The following ARHGEF6 variants were observed in gnomAD, a reference collection of about 807,000 sequenced individuals.
ARHGEF6 encodes rho guanine nucleotide exchange factor 6.
ARHGEF6 carries 9 observed loss-of-function variants against 70.3 expected under a neutral mutation model. The ratio of observed to expected loss-of-function variants is 0.13; its 90% CI spans 0.08 to 0.22. The LOEUF (loss-of-function observed/expected upper bound fraction) is 0.22. ARHGEF6 is among the 10% of genes least tolerant of loss of function. The pLI is 1.00. For missense variants in ARHGEF6, 470 were observed against 563.0 expected (o/e 0.83, Z 1.67); for synonymous variants, 201 against 207.8 (o/e 0.97, Z 0.28).
At chrX:136,775,615 C>T (rs1311103587) in intron 2 of ARHGEF6, among the ~76,000 whole-genome samples, 3 of 111,560 alleles carry the variant, frequency 2.7e-5, no homozygotes, top group Middle Eastern at 4.2e-3. Context: ...AAGATGAAAA[C>T]ATTCTTCCTG....
intron 21 of ARHGEF6, among the ~76,000 whole-genome samples, chrX:136,668,533 C>CTTCTTCTTA (rs61661248): frequency 2.0e-3 from 193 of 98,456 alleles, no homozygotes; most frequent in African/African-American, 6.5e-3. Flanking sequence ...TCTTCTTCTT[C>CTTCTTCTTA]TTATTATTAT....
intron 2 of ARHGEF6, among the ~76,000 whole-genome samples, chrX:136,769,074 A>C (rs1200615866): frequency 1.8e-5 from 2 of 111,523 alleles, no homozygotes; most frequent in Non-Finnish European, 3.8e-5. Context: ...TGAATCTCAT[A>C]TACATTCAGT....
chrX:136,762,735 G>T (rs903662695), intron 2 of ARHGEF6, among the ~76,000 whole-genome samples: 5 of 111,288 alleles, frequency 4.5e-5, no homozygotes, highest in Non-Finnish European at 9.5e-5. Flanking sequence ...CAAGTGATCC[G>T]CCTGCCTCAG....
At chrX:136,748,390 G>A (rs1276662502) in intron 2 of ARHGEF6, among the ~76,000 whole-genome samples, 1 of 112,473 alleles carries the variant, frequency 8.9e-6, no homozygotes, top group East Asian at 2.8e-4. Flanking sequence ...AATCTGATAT[G>A]CTATTGTCCC....
At chrX:136,683,710 C>T (rs1234006872) in intron 12 of ARHGEF6, among the ~76,000 whole-genome samples, 1 of 111,827 alleles carries the variant, frequency 8.9e-6, no homozygotes, top group East Asian at 2.8e-4. Context: ...GCAAAAATTA[C>T]GTTTGCCTTC....
intron 2 of ARHGEF6, among the ~76,000 whole-genome samples, chrX:136,750,490 A>C (rs1420645115): frequency 3.6e-5 from 4 of 111,565 alleles, no homozygotes; most frequent in African/African-American, 1.3e-4. Context: ...CTTTATACCT[A>C]TTTTGGTGCA....
chrX:136,727,410 TC>T (rs57813465), intron 6 of ARHGEF6, among the ~76,000 whole-genome samples: 26 of 95,933 alleles, frequency 2.7e-4, no homozygotes, highest in Middle Eastern at 5.0e-3. Context: ...TCTCTCTCTC[TC>T]TCTTTCTTTC....
chrX:136,722,383 C>T (rs2076807659), intron 6 of ARHGEF6, among the ~76,000 whole-genome samples: 1 of 111,695 alleles, frequency 9.0e-6, no homozygotes, highest in South Asian at 3.7e-4. Context: ...AGTGAAAAGA[C>T]AACTCATAGA....
chrX:136,738,809 C>A (rs1194362236), intron 5 of ARHGEF6, among the ~76,000 whole-genome samples: 1 of 112,327 alleles, frequency 8.9e-6, no homozygotes, highest in Admixed American at 9.4e-5. Flanking sequence ...CTCATCTGTT[C>A]CCTTATCCTC....
intron 6 of ARHGEF6, among the ~76,000 whole-genome samples, chrX:136,730,524 C>T (rs1458396391): frequency 9.0e-6 from 1 of 111,237 alleles, no homozygotes; most frequent in African/African-American, 3.3e-5. Context: ...TCTTCACAGG[C>T]TATCATGAGT....
intron 5 of ARHGEF6, among the ~76,000 whole-genome samples, chrX:136,739,048 T>C (rs2077016673): frequency 9.0e-6 from 1 of 111,255 alleles, no homozygotes; most frequent in Non-Finnish European, 1.9e-5. Flanking sequence ...TAGACCATGT[T>C]ATCCCTTGCT....
chrX:136,728,741 C>T (rs1276866845), intron 6 of ARHGEF6, among the ~76,000 whole-genome samples: 1 of 109,241 alleles, frequency 9.2e-6, no homozygotes, highest in African/African-American at 3.3e-5. Context: ...TGTGAGTGGG[C>T]TTCATCCAAT....
rs185684954 is a variant in ARHGEF6, at chrX:136,729,265, C to T, written c.732+2837G>A. Among the ~76,000 whole-genome samples, 594 of 105,007 alleles carry T rather than the reference C, an allele frequency of 5.7e-3. 6 individuals are homozygous for T. The highest frequency in any genetic ancestry group is 0.019 in the African/African-American group (542 of 28,686). The allele number at this position is 105,007 out of a possible 115,157, so 91.2% of individuals were successfully genotyped here. The stretch of plus-strand genomic sequence containing the variant: ...GGAGAACCACCTGAGGTCAGGAGTT[C>T]GAGACCAGCCTGGCCAACATGGTGA... On this transcript the variant is annotated intron_variant, in intron 6 of 21. Coordinates refer to ENST00000250617, the MANE Select transcript of ARHGEF6 (RefSeq NM_004840.3).
chrX:136,686,683 T>C (rs1438573386), intron 11 of ARHGEF6, among the ~76,000 whole-genome samples: 49 of 56,514 alleles, frequency 8.7e-4, no homozygotes, highest in East Asian at 2.1e-3. Context: ...TATATACACA[T>C]ATATATATAT....
At chrX:136,708,040 A>T (rs2076644652) in intron 8 of ARHGEF6, among the ~76,000 whole-genome samples, 1 of 112,150 alleles carries the variant, frequency 8.9e-6, no homozygotes, top group African/African-American at 3.2e-5. Flanking sequence ...TAGTATCAGG[A>T]GCAATTCAAA....
intron 21 of ARHGEF6, among the ~76,000 whole-genome samples, chrX:136,668,501 T>G (rs2076184753): frequency 9.4e-6 from 1 of 106,696 alleles, no homozygotes; most frequent in Non-Finnish European, 1.9e-5. Context: ...ATCTCAACTG[T>G]CAGCCTGGTA....
rs755283133 is a variant in ARHGEF6, at chrX:136,696,103, ATTAAGG to A, written c.1047-5361_1047-5356del. ...TGACCCTCATTTTACAAGTGAGGAA[ATTAAGG>A]CTTAGAAATGAAGTGAATTGCCTTG... On this transcript the variant is annotated intron_variant, in intron 9 of 21. Transcript: ENST00000250617. 1.7e-4 allele frequency among the ~76,000 whole-genome samples: 19 copies of A among 111,417 alleles called. 1 individual carries two copies. In the Middle Eastern group the frequency reaches 0.018, roughly 107 times the overall value.
intron 10 of ARHGEF6, among the ~76,000 whole-genome samples, chrX:136,690,230 T>C (rs942746499): frequency 1.8e-5 from 2 of 111,688 alleles, no homozygotes; most frequent in African/African-American, 6.5e-5. Context: ...TTGCTCTATC[T>C]CCCACAATAA....
intron 6 of ARHGEF6, among the ~76,000 whole-genome samples, chrX:136,726,773 C>T (rs111874483): frequency 2.6e-4 from 29 of 112,650 alleles, no homozygotes; most frequent in African/African-American, 9.3e-4. Flanking sequence ...TATTTTCCTA[C>T]TTGGATGGGG....
Sources: gnomAD v4.1 joint callset for allele counts (sites outside exome capture counted in the v4.1 genomes callset) on GRCh38, gnomAD v4.1.1 for gene constraint, MANE v1.5 for transcripts, NCBI Gene and HGNC (gene_info 2026-07-23, HGNC 2026-07-21) for gene names.